Variants in TGM5 observed in about 807,000 individuals in gnomAD.
TGM5 encodes the protein protein-glutamine gamma-glutamyltransferase 5.
Under a neutral mutation model 77.2 loss-of-function variants are expected in TGM5, and 69 were observed. The ratio of observed to expected loss-of-function variants is 0.89; its 90% CI spans 0.74 to 1.09. The LOEUF is 1.09. Ranked by LOEUF, TGM5 falls within the 50% of genes least tolerant of loss-of-function variation. TGM5 has a pLI of 0.00. For synonymous variants in TGM5, 346 were observed against 351.8 expected (o/e 0.98, Z 0.18); for missense variants, 842 against 896.5 (o/e 0.94, Z 0.78).
intron 3 of TGM5, among the ~76,000 whole-genome samples, chr15:43,257,945 GGA>G (rs1454517847): frequency 6.6e-6 from 1 of 152,100 alleles, no homozygotes; most frequent in Non-Finnish European, 1.5e-5. Flanking sequence ...GGATGCAGCT[GGA>G]AACCATCATT....
intron 3 of TGM5, among the ~76,000 whole-genome samples, chr15:43,259,202 C>T (rs1402876306): frequency 3.3e-5 from 5 of 152,084 alleles, no homozygotes; most frequent in Non-Finnish European, 7.4e-5. Flanking sequence ...CACACCATGT[C>T]CTTGTGTCTG....
At chr15:43,256,250 A>G (rs2042741272) in intron 4 of TGM5, among the ~76,000 whole-genome samples, 1 of 152,184 alleles carries the variant, frequency 6.6e-6, no homozygotes, top group Admixed American at 6.5e-5. Context: ...ATGAACCAAA[A>G]TGCCGGGCAT....
rs568607516 is a variant in TGM5, at chr15:43,243,739, C to G, written c.863-2749G>C. Among the ~76,000 whole-genome samples, 60 of 152,270 alleles carry G rather than the reference C, an allele frequency of 3.9e-4. No homozygotes were observed. In the South Asian group the frequency reaches 0.012, roughly 32 times the overall value. On this transcript the variant is annotated intron_variant, in intron 6 of 12. Transcript: ENST00000220420. ...TCTTGAATTTGAATCTTGAGCCTGTCTAGAGACCTTGCTGTCACTGAACAC... is the reference window on the plus strand; with the variant it reads ...TCTTGAATTTGAATCTTGAGCCTGTGTAGAGACCTTGCTGTCACTGAACAC...
At chr15:43,235,910 C>G in intron 9 of TGM5, 73 bp from the exon 10 acceptor site, 3 of 1,596,034 alleles carry the variant, frequency 1.9e-6, no homozygotes, top group East Asian at 2.2e-5. Flanking sequence ...AGCGCCATCC[C>G]CCACCCAATA....
At chr15:43,240,543 C>T (rs1261771928) in intron 7 of TGM5, among the ~76,000 whole-genome samples, 1 of 151,756 alleles carries the variant, frequency 6.6e-6, no homozygotes, top group East Asian at 1.9e-4. Context: ...GAAATTTTCT[C>T]CAGGCCCCAT....
At chr15:43,235,980 G>A (rs1166228820) in intron 9 of TGM5, 143 bp from the exon 10 acceptor site, 33 of 1,164,540 alleles carry the variant, frequency 2.8e-5, no homozygotes, top group Non-Finnish European at 3.7e-5. Context: ...CACTCCTCAT[G>A]TGCTTTCCCA....
chr15:43,233,476 A>G, intron 12 of TGM5, 78 bp downstream of exon 12: 1 of 1,613,240 alleles, frequency 6.2e-7, no homozygotes, highest in Non-Finnish European at 8.5e-7. Context: ...AGTCTGGCTC[A>G]GGAACCCATG....
intron 1 of TGM5, among the ~76,000 whole-genome samples, chr15:43,266,291 T>C (rs1040838013): frequency 6.6e-6 from 1 of 152,348 alleles, no homozygotes; most frequent in Admixed American, 6.5e-5. Flanking sequence ...CAACTAACGA[T>C]TTAATCTTCA....
chr15:43,237,018 T>A (rs2142355056), intron 9 of TGM5, among the ~76,000 whole-genome samples: 1 of 151,172 alleles, frequency 6.6e-6, no homozygotes, highest in African/African-American at 2.4e-5. Flanking sequence ...GGAATCTGAT[T>A]TAGCGCATCT....
intron 3 of TGM5, among the ~76,000 whole-genome samples, chr15:43,257,418 T>G (rs567102078): frequency 6.6e-6 from 1 of 152,332 alleles, no homozygotes; most frequent in African/African-American, 2.4e-5. Flanking sequence ...CATATACACA[T>G]ATACGTGCTG....
intron 4 of TGM5, among the ~76,000 whole-genome samples, chr15:43,255,221 C>A (rs1445364372): frequency 1.3e-5 from 2 of 152,078 alleles, no homozygotes; most frequent in Admixed American, 6.5e-5. Context: ...GTAGTCCCAG[C>A]TACTCAGGAG....
Position 43,256,612 on chromosome 15 carries a change from C to CT in TGM5, c.510dup (p.Gly171ArgfsTer17). On this transcript the variant is annotated frameshift_variant, in exon 4 of 13. Coordinates refer to ENST00000220420, the MANE Select transcript of TGM5 (RefSeq NM_201631.4). LOFTEE classifies it high-confidence loss of function. ...CATGGGCGGATCCAGTTCTTGCTGC[C>CT]TTGGTAGATGAAGCCATAATCATTC... 1 of 1,614,172 alleles carries CT rather than the reference C, an allele frequency of 6.2e-7. No individual in the cohort carries two copies. The highest frequency in any genetic ancestry group is 2.2e-5 in the East Asian group (1 of 44,886).
chr15:43,239,114 G>A, intron 8 of TGM5, 49 bp downstream of exon 8: 1 of 1,614,118 alleles, frequency 6.2e-7, no homozygotes, highest in Non-Finnish European at 8.5e-7. Context: ...GGCAGGGGTG[G>A]GGTGCTTTCC....
intron 9 of TGM5, 125 bp from the exon 10 acceptor site, chr15:43,235,962 A>G (rs2042587576): frequency 1.6e-6 from 2 of 1,254,796 alleles, no homozygotes; most frequent in African/African-American, 1.5e-5. Flanking sequence ...AGTAACAAGC[A>G]CTCCCTCCAC....
chr15:43,265,140 C>A (rs1197294600), intron 1 of TGM5, among the ~76,000 whole-genome samples: 1 of 152,134 alleles, frequency 6.6e-6, no homozygotes, highest in Non-Finnish European at 1.5e-5. Context: ...CTTGCAGGGA[C>A]AAAATGTCAT....
At position 43,253,355 on chromosome 15, in the gene TGM5, A is replaced by G. The variant is rs888107793; in HGVS notation, c.684+151T>C. 2.7e-6 allele frequency: 3 copies of G among 1,115,746 alleles called. No homozygotes were observed. In the Admixed American group the frequency reaches 6.2e-5, roughly 23 times the overall value. 69.1% of individuals were successfully genotyped at this position (1,115,746 alleles called of 1,614,324 possible). ...ACCCAGCTATTTCAGAGCTCGGCTG[A>G]GAAAACTTGTCACCCACATTCTGGC... On this transcript the variant is annotated intron_variant, in intron 5 of 12. Transcript: ENST00000220420.
At chr15:43,261,214 C>G (rs1051070574) in intron 1 of TGM5, among the ~76,000 whole-genome samples, 5 of 151,400 alleles carry the variant, frequency 3.3e-5, no homozygotes, top group East Asian at 3.9e-4. Context: ...CTCAGCCTCC[C>G]GAGTAGCTGG....
chr15:43,263,235 G>A (rs1055594090), intron 1 of TGM5, among the ~76,000 whole-genome samples: 3 of 152,244 alleles, frequency 2.0e-5, no homozygotes, highest in South Asian at 4.1e-4. Flanking sequence ...GACATTCCAG[G>A]TTCATGGATT....
At position 43,266,893 on chromosome 15, in the gene TGM5, G is replaced by A. The variant is rs369797999; in HGVS notation, c.-44C>T. 1 of 1,613,550 alleles carries A rather than the reference G, an allele frequency of 6.2e-7. No homozygotes were observed. Among genetic ancestry groups the A allele is most frequent in the African/African-American group, 1.3e-5 (1 of 75,044 alleles). On this transcript the variant is annotated 5_prime_UTR_variant, in exon 1 of 13. Transcript: ENST00000220420. ...CTGGGATGCTCCCCACAGAACAGCT[G>A]GGCGGTCTGGAGCTTCAGCAAACTG...
Sources: allele counts gnomAD v4.1 joint callset (sites outside exome capture counted in the v4.1 genomes callset), GRCh38; gene constraint gnomAD v4.1.1; transcripts MANE v1.5; gene names NCBI Gene and HGNC (gene_info 2026-07-23, HGNC 2026-07-21).